COL18A1: variants seen among roughly 807,000 people sequenced by gnomAD.
COL18A1 encodes the protein collagen type XVIII alpha 1 chain.
A neutral mutation model predicts 168.0 loss-of-function variants in COL18A1; 133 were observed. That is an observed-to-expected ratio of 0.79 (90% CI 0.69 to 0.91). COL18A1 has a LOEUF of 0.91. Among genes scored for constraint, COL18A1 ranks in the 40% least tolerant of loss-of-function variants. The pLI is 0.00. For synonymous variants in COL18A1, 949 were observed against 809.0 expected (o/e 1.17, Z -2.94); for missense variants, 2,126 against 1,925.4 (o/e 1.10, Z -1.95).
rs764452118 is a variant in COL18A1, at chr21:45,425,325, C to T, written c.106+19852C>T. Reference sequence around the variant, plus strand: ...GTGCAGTGTGACCGCGTCCACCTGTCTCCCTGGACACGCCTGTCAGAGCCC... The same window carrying T: ...GTGCAGTGTGACCGCGTCCACCTGTTTCCCTGGACACGCCTGTCAGAGCCC... On this transcript the variant is annotated intron_variant, in intron 2 of 41. Transcript: ENST00000651438. This position sits in a 1 kb window ranked among gnomAD's most constrained non-coding sequence, Gnocchi z 4.1. Among the ~76,000 whole-genome samples the T allele has an allele frequency of 2.6e-5, 4 of 152,208 alleles. No individual in the cohort carries two copies. The highest frequency in any genetic ancestry group is 5.9e-5 in the Non-Finnish European group (4 of 68,030).
Position 45,512,651 on chromosome 21 carries a change from C to T in COL18A1, c.*253C>T. 1.8e-6 allele frequency: 1 copy of T among 563,442 alleles called. No homozygotes were observed. Among genetic ancestry groups the T allele is most frequent in the South Asian group, 2.0e-5 (1 of 50,008 alleles). The allele number at this position is 563,442 out of a possible 1,614,324, so 34.9% of individuals were successfully genotyped here. On this transcript the variant is annotated 3_prime_UTR_variant, in exon 42 of 42. Transcript: ENST00000651438. ...CCCTGACCTGTGAGCCCAGCTGGGT[C>T]AGGCAGGGTGCAGTATCATGCCCTG... is the stretch of plus-strand genomic sequence containing the variant.
At chr21:45,497,540 AC>A in intron 31 of COL18A1, 58 bp from the exon 32 acceptor site, 3 of 1,548,230 alleles carry the variant, frequency 1.9e-6, no homozygotes, top group Non-Finnish European at 2.6e-6. Flanking sequence ...CAGGAGGGGC[AC>A]CACCCTGGAG....
At chr21:45,469,568 G>C (rs576025867) in intron 3 of COL18A1, among the ~76,000 whole-genome samples, 9 of 152,182 alleles carry the variant, frequency 5.9e-5, no homozygotes, top group Non-Finnish European at 1.2e-4. Context: ...TTGGGGTTGG[G>C]GGGGTGGACA....
At chr21:45,421,213 C>G (rs970252624) in intron 2 of COL18A1, 1 of 357,554 alleles carries the variant, frequency 2.8e-6, no homozygotes, top group Non-Finnish European at 5.5e-6. Context: ...ACGGCTTTGC[C>G]GCCCCCACCC....
rs576361626 is a variant in COL18A1, at chr21:45,435,882, C to T, written c.106+30409C>T. ...GGACACCTATGAACAAATGCTCTTC[C>T]CATCAGTAACTCCGTGTGCCCCTCT... On this transcript the variant is annotated intron_variant, in intron 2 of 41. Coordinates refer to ENST00000651438, the MANE Select transcript of COL18A1 (RefSeq NM_001379500.1). Among the ~76,000 whole-genome samples the T allele has an allele frequency of 2.6e-5, 4 of 152,252 alleles. No homozygotes were observed. In the South Asian group the frequency reaches 8.3e-4, roughly 32 times the overall value.
intron 24 of COL18A1, among the ~76,000 whole-genome samples, 181 bp downstream of exon 24, chr21:45,492,894 G>A (rs1431054346): frequency 6.6e-6 from 1 of 152,244 alleles, no homozygotes; most frequent in Admixed American, 6.5e-5. Flanking sequence ...CAGGCCCTGT[G>A]CTGGGTGGGC....
intron 2 of COL18A1, among the ~76,000 whole-genome samples, chr21:45,437,404 ACT>A (rs1362713252): frequency 5.0e-5 from 5 of 99,016 alleles, no homozygotes; most frequent in African/African-American, 1.5e-4. Flanking sequence ...GCACACACAC[ACT>A]CACACTCAGA....
chr21:45,467,494 G>A, intron 2 of COL18A1: 1 of 945,008 alleles, frequency 1.1e-6, no homozygotes. Context: ...GGGATGGGGA[G>A]ATACAGCTTG....
At chr21:45,489,210 G>C (rs1360203600) in intron 18 of COL18A1, among the ~76,000 whole-genome samples, 1 of 152,214 alleles carries the variant, frequency 6.6e-6, no homozygotes, top group Non-Finnish European at 1.5e-5. Context: ...TTTGAATGAG[G>C]CCGTCTCAGC....
In COL18A1 at chr21:45,480,727, G is replaced by A. The variant is rs757959579; in HGVS notation, c.1480G>A (p.Gly494Arg). 5 of 1,610,562 alleles carry A rather than the reference G, an allele frequency of 3.1e-6. No homozygotes were observed. The highest frequency in any genetic ancestry group is 1.7e-5 in the Admixed American group (1 of 59,980). The change falls in exon 13 of 42, where the codon GGA becomes AGA. Residue 494 changes from glycine (G) to arginine (R), a missense_variant. Transcript: ENST00000651438. ...RGPRGFPGPPGPPGVPGLPGE... is the reference protein window; with the variant it reads ...RGPRGFPGPPRPPGVPGLPGE... ...TCCTCGAGGCTTCCCTGGACCTCCC[G>A]GACCCCCCGGTGTCCCAGGCCTGCC...
Position 45,511,061 on chromosome 21 carries a change from CAT to C in COL18A1, c.3694-49_3694-48del, listed in dbSNP as rs1370667094. 4.4e-4 allele frequency: 327 copies of C among 740,190 alleles called. 3 individuals carry two copies. In the African/African-American group the frequency reaches 6.4e-3, roughly 14 times the overall value. The allele number at this position is 740,190 out of a possible 1,614,324, so 45.9% of individuals were successfully genotyped here. On this transcript the variant is annotated intron_variant, in intron 40 of 41. Transcript: ENST00000651438. ...ACACCCCCCCACAAACACCCACACC[CAT>C]CCACACCCCCACACACCACACACAC...
chr21:45,494,746 G>A, intron 27 of COL18A1, 116 bp from the exon 28 acceptor site: 1 of 1,284,212 alleles, frequency 7.8e-7, no homozygotes, highest in Non-Finnish European at 1.1e-6. Context: ...CCTCCGAGCT[G>A]ATGGGTGGCC....
At chr21:45,426,145 C>A (rs1286519396) in intron 2 of COL18A1, among the ~76,000 whole-genome samples, 37 of 152,138 alleles carry the variant, frequency 2.4e-4, no homozygotes, top group Non-Finnish European at 5.9e-5. Context: ...CGCTCTGTCG[C>A]CCAGGGTGGA....
At position 45,451,837 on chromosome 21, in the gene COL18A1, G is replaced by A. The variant is rs141548559; in HGVS notation, c.107-16405G>A. ...CCTGTCCTGTCAACTCTGCTCCATC[G>A]GGATCCATGGGCCCTCTTCCTCCTT... On this transcript the variant is annotated intron_variant, in intron 2 of 41. Transcript: ENST00000651438. Among the ~76,000 whole-genome samples, 479 of 152,266 alleles carry A rather than the reference G, an allele frequency of 3.1e-3. 3 individuals are homozygous for A. Among genetic ancestry groups the A allele is most frequent in the African/African-American group, 0.011 (452 of 41,540 alleles).
intron 18 of COL18A1, among the ~76,000 whole-genome samples, chr21:45,488,676 AAGCCC>A (rs1488414370): frequency 6.6e-6 from 1 of 152,086 alleles, no homozygotes; most frequent in African/African-American, 2.4e-5. Context: ...TCTCTCTCCG[AAGCCC>A]AGGAATCAAG....
intron 2 of COL18A1, among the ~76,000 whole-genome samples, chr21:45,465,351 A>G (rs898367434): frequency 4.6e-5 from 7 of 151,906 alleles, no homozygotes; most frequent in Admixed American, 2.0e-4. Flanking sequence ...ACCCGGGGAC[A>G]GGGGCCCGTT....
chr21:45,445,738 C>T (rs2034490264), intron 2 of COL18A1, among the ~76,000 whole-genome samples: 1 of 152,188 alleles, frequency 6.6e-6, no homozygotes, highest in Admixed American at 6.5e-5. Flanking sequence ...TCTTGGCGAT[C>T]TGTATTTCTT....
rs766095688 is a variant in COL18A1 at position 45,480,650 on chromosome 21, C to T, written c.1453-50C>T. On this transcript the variant is annotated intron_variant, in intron 12 of 41. Coordinates refer to ENST00000651438, the MANE Select transcript of COL18A1 (RefSeq NM_001379500.1). ...GCCCGTTCTGGGGGTGGTGGTCATC[C>T]CTGGTGGGTGCCACATGGGCTGTGA... is the stretch of plus-strand genomic sequence containing the variant. 1.9e-6 allele frequency: 3 copies of T among 1,611,356 alleles called. 1 individual carries two copies. Among genetic ancestry groups the T allele is most frequent in the South Asian group, 2.2e-5 (2 of 91,078 alleles).
chr21:45,496,308 AGGT>A lies in COL18A1; in HGVS notation c.2509-189_2509-187del, dbSNP rs2036542011. On this transcript the variant is annotated intron_variant, in intron 29 of 41. Coordinates refer to ENST00000651438, the MANE Select transcript of COL18A1 (RefSeq NM_001379500.1). The stretch of plus-strand genomic sequence containing the variant: ...CTGTGCACGACTCCAGCGTGGGATG[AGGT>A]GGGGCCGGGGCCAGTTCCTGTCCTC... 8.4e-6 allele frequency: 6 copies of A among 714,552 alleles called. No homozygotes were observed. The East Asian group carries it at 1.6e-4, about 19-fold the overall frequency. The allele number at this position is 714,552 out of a possible 1,614,324, so 44.3% of individuals were successfully genotyped here. A position where few individuals can be genotyped will look rare whatever the true frequency, so the allele number is the denominator to read the frequency against.
Sources: allele counts gnomAD v4.1 joint callset (sites outside exome capture counted in the v4.1 genomes callset), GRCh38; gene constraint gnomAD v4.1.1; non-coding constraint Gnocchi (gnomAD v3.1); transcripts MANE v1.5; gene names NCBI Gene and HGNC (gene_info 2026-07-23, HGNC 2026-07-21).